Variants in GLT1D1 observed in about 807,000 individuals in gnomAD.
The protein encoded by GLT1D1 is glycosyltransferase 1 domain containing 1, also known as glycosyltransferase 1 domain-containing protein 1.
In GLT1D1, 21 loss-of-function variants were observed where a neutral mutation model predicts 28.7. The observed-to-expected ratio is 0.73, with a 90% confidence interval of 0.52 to 1.05. The LOEUF (loss-of-function observed/expected upper bound fraction) is 1.05, where lower values mean the gene tolerates loss of function less well. GLT1D1 is among the 50% of genes least tolerant of loss of function. The probability of loss-of-function intolerance (pLI) is 0.00; values close to 1 mark genes in which losing one functional copy is unlikely to be tolerated. For synonymous variants in GLT1D1, 147 were observed against 124.8 expected, an observed-to-expected ratio of 1.18 and a Z score of -1.19; for missense variants, 343 against 330.6, an observed-to-expected ratio of 1.04 and a Z score of -0.29.
chr12:128,956,158 C>CAAAAAAAAAAAAAAAAAAAAAAAAAAAAA (rs1555219265), intron 6 of GLT1D1, among the ~76,000 whole-genome samples: 1 of 7,466 alleles, frequency 1.3e-4, no homozygotes, highest in South Asian at 7.5e-3. Context: ...GACTCCATCT[C>CAAAAAAAAAAAAAAAAAAAAAAAAAAAAA]AAAAAAAAAA....
At chr12:128,972,478 A>T (rs1040056761) in intron 7 of GLT1D1, among the ~76,000 whole-genome samples, 1 of 152,008 alleles carries the variant, frequency 6.6e-6, no homozygotes, top group African/African-American at 2.4e-5. Flanking sequence ...GCCCGGGAAG[A>T]ACCGGGGAGC....
Position 128,942,735 on chromosome 12 carries a change from G to GTTTTT in GLT1D1, c.376-2588_376-2587insTTTTT, listed in dbSNP as rs1397894974. On this transcript the variant is annotated intron_variant, in intron 4 of 7. Coordinates refer to ENST00000281703, the MANE Select transcript of GLT1D1 (RefSeq NM_144669.3). ...ATCACTTTAGATTCCAATTTTCTTT[G>GTTTTT]TTTGTTTGTTTTTGTTTTTTGTTTT... Among the ~76,000 whole-genome samples, 151 of 89,400 alleles carry GTTTTT rather than the reference G, an allele frequency of 1.7e-3. 28 individuals carry two copies. Among genetic ancestry groups the GTTTTT allele is most frequent in the African/African-American group, 5.6e-3 (130 of 23,062 alleles). The allele number at this position is 89,400 out of a possible 152,430, so 58.6% of individuals were successfully genotyped here.
Position 128,947,540 on chromosome 12 carries a change from T to C in GLT1D1, c.540+82T>C, listed in dbSNP as rs1593175108. ...CTCCTATTTACGGAGGTGACGTCTT[T>C]GTCAATAACATTCTGCACTTCTCAA... is the stretch of plus-strand genomic sequence containing the variant. On this transcript the variant is annotated intron_variant, in intron 6 of 7. Transcript: ENST00000281703. 7.3e-6 allele frequency: 11 copies of C among 1,497,240 alleles called. No homozygotes were observed. The East Asian group carries it at 2.5e-4, about 34-fold the overall frequency. 92.7% of individuals were successfully genotyped at this position (1,497,240 alleles called of 1,614,324 possible). A position where few individuals can be genotyped will look rare whatever the true frequency, so the allele number is the denominator to read the frequency against.
intron 1 of GLT1D1, among the ~76,000 whole-genome samples, chr12:128,867,789 G>A (rs370713296): frequency 9.8e-5 from 15 of 152,312 alleles, no homozygotes; most frequent in East Asian, 9.7e-4. Context: ...TTGAAATGGC[G>A]GAGCATGGAA....
chr12:128,863,364 T>C (rs1459560463), intron 1 of GLT1D1, among the ~76,000 whole-genome samples: 1 of 145,916 alleles, frequency 6.9e-6, no homozygotes, highest in African/African-American at 2.5e-5. Flanking sequence ...ACAAGGTAGT[T>C]TGGATAATTT....
At chr12:128,871,189 G>A (rs992041397) in intron 1 of GLT1D1, among the ~76,000 whole-genome samples, 1 of 152,104 alleles carries the variant, frequency 6.6e-6, no homozygotes, top group South Asian at 2.1e-4. Context: ...AGAGCTTTAC[G>A]AAGAACATAA....
chr12:128,971,911 C>A (rs961882701), intron 7 of GLT1D1, among the ~76,000 whole-genome samples: 1 of 137,004 alleles, frequency 7.3e-6, no homozygotes, highest in Non-Finnish European at 1.5e-5. Context: ...TTGACCTCAT[C>A]GTTCCGCATT....
chr12:128,909,423 G>GT (rs1340771723), intron 4 of GLT1D1, among the ~76,000 whole-genome samples: 1 of 152,012 alleles, frequency 6.6e-6, no homozygotes, highest in African/African-American at 2.4e-5. Context: ...ATTTCTTTGT[G>GT]TTTTGTGGCA....
rs534649103 is a variant in GLT1D1 at position 128,853,744 on chromosome 12, C to G, written c.68+95C>G. 1,630 of 827,884 alleles carry G rather than the reference C, an allele frequency of 2.0e-3. 17 individuals carry two copies. In the African/African-American group the frequency reaches 0.027, roughly 14 times the overall value. The allele number at this position is 827,884 out of a possible 1,614,324, so 51.3% of individuals were successfully genotyped here. The stretch of plus-strand genomic sequence containing the variant: ...GACGCGGGGCGCTCAGCCAGGCCCC[C>G]TCCAGCCGCGCCGGGGCCGTCCCGA... On this transcript the variant is annotated intron_variant, in intron 1 of 7. Transcript: ENST00000281703.
intron 6 of GLT1D1, among the ~76,000 whole-genome samples, chr12:128,951,620 TGA>T (rs1251658135): frequency 6.6e-6 from 1 of 152,154 alleles, no homozygotes; most frequent in Non-Finnish European, 1.5e-5. Flanking sequence ...CCCAAGCCTG[TGA>T]GTCATGCACG....
rs576151295 is a variant in GLT1D1 at position 128,963,818 on chromosome 12, C to T, written c.639+6175C>T. ...TGAAACAGAAAGGCTGCAAGGCCCT[C>T]GGGAATGCACAGTTGGCTGTGGGTG... On this transcript the variant is annotated intron_variant, in intron 7 of 7. Transcript: ENST00000281703. 2.4e-4 allele frequency among the ~76,000 whole-genome samples: 37 copies of T among 152,316 alleles called. No individual in the cohort carries two copies. The East Asian group carries it at 6.4e-3, about 26-fold the overall frequency.
rs967086845 is a variant in GLT1D1 at position 128,874,891 on chromosome 12, T to C, written c.69-1023T>C. On this transcript the variant is annotated intron_variant, in intron 1 of 7. Coordinates refer to ENST00000281703, the MANE Select transcript of GLT1D1 (RefSeq NM_144669.3). The stretch of plus-strand genomic sequence containing the variant: ...CTTTTTCTATAGTAACAGTCGTAAA[T>C]AGTTTTTTCCCCAGTTTCTCATTTG... 4.6e-5 allele frequency among the ~76,000 whole-genome samples: 7 copies of C among 152,222 alleles called. No individual in the cohort carries two copies. In the East Asian group the frequency reaches 1.2e-3, roughly 25 times the overall value.
intron 7 of GLT1D1, among the ~76,000 whole-genome samples, chr12:128,961,116 T>C (rs1877899779): frequency 6.6e-6 from 1 of 152,240 alleles, no homozygotes; most frequent in Admixed American, 6.5e-5. Flanking sequence ...ATTTTGTGAA[T>C]CTTTTATAAA....
intron 7 of GLT1D1, among the ~76,000 whole-genome samples, chr12:128,972,387 GCACAC>G (rs1036096274): frequency 2.6e-5 from 4 of 152,190 alleles, no homozygotes; most frequent in Non-Finnish European, 4.4e-5. Context: ...GCTGGAGGGA[GCACAC>G]GCCCCTCTCT....
At chr12:128,877,560 A>G (rs1239933715) in intron 2 of GLT1D1, among the ~76,000 whole-genome samples, 1 of 152,154 alleles carries the variant, frequency 6.6e-6, no homozygotes, top group Non-Finnish European at 1.5e-5. Flanking sequence ...CAGGTAATAC[A>G]TGAAAAATTG....
At chr12:128,978,892 C>A (rs1276483905) in intron 7 of GLT1D1, among the ~76,000 whole-genome samples, 1 of 152,172 alleles carries the variant, frequency 6.6e-6, no homozygotes, top group Non-Finnish European at 1.5e-5. Flanking sequence ...TGTCATGGGG[C>A]TGGCGGGAGT....
chr12:128,978,962 G>A (rs1435702770), intron 7 of GLT1D1, among the ~76,000 whole-genome samples: 3 of 152,094 alleles, frequency 2.0e-5, no homozygotes, highest in Admixed American at 1.3e-4. Context: ...GTGGGTTTCC[G>A]CTGGCTGCTT....
chr12:128,893,104 G>A (rs1409125242), intron 3 of GLT1D1, among the ~76,000 whole-genome samples: 2 of 152,078 alleles, frequency 1.3e-5, no homozygotes, highest in Non-Finnish European at 2.9e-5. Flanking sequence ...AATTAGCTGG[G>A]CATGGTGACA....
chr12:128,892,004 C>T (rs1436520587), intron 3 of GLT1D1, among the ~76,000 whole-genome samples: 1 of 152,066 alleles, frequency 6.6e-6, no homozygotes, highest in Non-Finnish European at 1.5e-5. Flanking sequence ...TCTGGAAAGG[C>T]GGGACAACTG....
Sources: gnomAD v4.1 joint callset for allele counts (sites outside exome capture counted in the v4.1 genomes callset) on GRCh38, gnomAD v4.1.1 for gene constraint, MANE v1.5 for transcripts, NCBI Gene and HGNC (gene_info 2026-07-23, HGNC 2026-07-21) for gene names.